MICAL3: variants seen among roughly 807,000 people sequenced by gnomAD.
MICAL3 encodes the protein microtubule associated monooxygenase, calponin and LIM domain containing 3, also known as [F-actin]-monooxygenase MICAL3.
A neutral mutation model predicts 207.4 loss-of-function variants in MICAL3; 62 were observed. The ratio of observed to expected loss-of-function variants is 0.30; its 90% confidence interval spans 0.24 to 0.37. The LOEUF (loss-of-function observed/expected upper bound fraction) is 0.37. Among genes scored for constraint, MICAL3 ranks in the 10% least tolerant of loss-of-function variants. MICAL3 has a pLI of 1.00. For missense variants in MICAL3, 2,368 were observed against 2,635.6 expected (o/e 0.90, Z 2.22); for synonymous variants, 1,077 against 1,069.3 (o/e 1.01, Z -0.14).
Position 17,818,090 on chromosome 22 carries a change from T to C in MICAL3, c.4571A>G (p.Asp1524Gly). Reference protein sequence around the residue: ...VESVEEIPFADDVEDTYDDKT... With the variant: ...VESVEEIPFAGDVEDTYDDKT... ...GTCGTCATAGGTGTCCTCCACATCA[T>C]CAGCAAAGGGAATCTCCTCCACGCT... The change falls in exon 26 of 32, where the codon GAT becomes GGT. Residue 1524 changes from aspartate to glycine, a missense_variant. By Grantham distance (94) the Asp-to-Gly change is moderately conservative. This residue lies in a region of MICAL3 where 1,770 missense variants were observed against 1,863.2 expected (regional missense o/e 0.95). Transcript: ENST00000441493. The C allele has an allele frequency of 6.2e-7, 1 of 1,612,910 alleles. No homozygotes were observed. Among genetic ancestry groups the C allele is most frequent in the South Asian group, 1.1e-5 (1 of 91,018 alleles).
At chr22:17,930,027 A>G (rs566556373) in intron 1 of MICAL3, among the ~76,000 whole-genome samples, 212 of 152,376 alleles carry the variant, frequency 1.4e-3, no homozygotes, top group African/African-American at 4.8e-3. Context: ...GATCAGGCAT[A>G]TCACAAAAGA....
At chr22:18,011,926 T>TA (rs916269447) in intron 1 of MICAL3, among the ~76,000 whole-genome samples, 22 of 149,516 alleles carry the variant, frequency 1.5e-4, no homozygotes, top group African/African-American at 5.1e-4. Context: ...AAATAAATAA[T>TA]AAAAAATTTT....
intron 12 of MICAL3, 113 bp from the exon 13 acceptor site, chr22:17,889,343 T>C (rs1930207148): frequency 2.9e-6 from 2 of 692,942 alleles, no homozygotes; most frequent in Non-Finnish European, 4.8e-6. Flanking sequence ...TCCAGGGTGC[T>C]GTGCATCGCT....
chr22:17,961,147 C>T (rs893032741), intron 1 of MICAL3, among the ~76,000 whole-genome samples: 4 of 152,086 alleles, frequency 2.6e-5, no homozygotes, highest in Non-Finnish European at 4.4e-5. Flanking sequence ...GGATGGCTGG[C>T]GGTGGCCTGG....
At chr22:17,985,632 A>G (rs1920972990) in intron 1 of MICAL3, among the ~76,000 whole-genome samples, 1 of 152,084 alleles carries the variant, frequency 6.6e-6, no homozygotes, top group South Asian at 2.1e-4. Flanking sequence ...TTCAAATTTT[A>G]TTCCCAGTAG....
chr22:17,805,330 G>T (rs576806557), intron 29 of MICAL3, among the ~76,000 whole-genome samples: 1 of 151,866 alleles, frequency 6.6e-6, no homozygotes, highest in Non-Finnish European at 1.5e-5. Context: ...AGACGGCATC[G>T]GCCAAGGAGG....
intron 19 of MICAL3, among the ~76,000 whole-genome samples, chr22:17,857,342 C>T (rs905166504): frequency 6.6e-6 from 1 of 152,160 alleles, no homozygotes; most frequent in Non-Finnish European, 1.5e-5. Context: ...GAGGGACCCA[C>T]GCCGCATGCT....
chr22:17,893,434 A>G (rs747593489), intron 11 of MICAL3, among the ~76,000 whole-genome samples: 4 of 151,532 alleles, frequency 2.6e-5, no homozygotes, highest in Non-Finnish European at 4.4e-5. Context: ...TTTTTCCACA[A>G]AGTCTTCTCC....
At chr22:17,976,538 T>C (rs1255527841) in intron 1 of MICAL3, among the ~76,000 whole-genome samples, 1 of 48,322 alleles carries the variant, frequency 2.1e-5, no homozygotes, top group African/African-American at 1.2e-4. Context: ...TATATATATG[T>C]GTGTGTGTGT....
Position 17,834,312 on chromosome 22 carries a change from A to C in MICAL3, c.2802-2205T>G, listed in dbSNP as rs964507097. The C allele has an allele frequency of 4.3e-6, 5 of 1,168,466 alleles. No homozygotes were observed. The African/African-American group carries it at 8.3e-5, about 19-fold the overall frequency. The allele number at this position is 1,168,466 out of a possible 1,614,324, so 72.4% of individuals were successfully genotyped here. ...GAATATACTGCAAGGAGCTCAGGGT[A>C]GTGAATCAGCTTCACTTGTTCATTT... is the stretch of plus-strand genomic sequence containing the variant. On this transcript the variant is annotated intron_variant, in intron 20 of 31. Coordinates refer to ENST00000441493, the MANE Select transcript of MICAL3 (RefSeq NM_015241.3).
intron 19 of MICAL3, among the ~76,000 whole-genome samples, chr22:17,854,195 G>T (rs1462601445): frequency 6.8e-6 from 1 of 147,336 alleles, no homozygotes; most frequent in African/African-American, 2.6e-5. Flanking sequence ...GCAATGTCTG[G>T]AGACATTTTC....
chr22:17,897,455 G>T (rs927581149), intron 7 of MICAL3, among the ~76,000 whole-genome samples: 1 of 150,400 alleles, frequency 6.6e-6, no homozygotes, highest in Non-Finnish European at 1.5e-5. Context: ...AGAGGGGTTT[G>T]GGGGGTGGAT....
At chr22:17,826,842 A>C (rs1922244763) in intron 22 of MICAL3, among the ~76,000 whole-genome samples, 1 of 152,148 alleles carries the variant, frequency 6.6e-6, no homozygotes, top group Non-Finnish European at 1.5e-5. Context: ...TCTTGCCTAC[A>C]AGTGAAGATT....
intron 19 of MICAL3, among the ~76,000 whole-genome samples, chr22:17,859,170 G>C (rs1486517490): frequency 6.6e-6 from 1 of 152,150 alleles, no homozygotes; most frequent in Non-Finnish European, 1.5e-5. Context: ...GTGAGCTACT[G>C]GGGGGTGAGG....
chr22:17,992,263 A>C (rs1921767027), intron 1 of MICAL3, among the ~76,000 whole-genome samples: 1 of 152,232 alleles, frequency 6.6e-6, no homozygotes, highest in African/African-American at 2.4e-5. Context: ...CTCAGGAAGG[A>C]GTTGCAAAAT....
At chr22:17,995,491 ATTTTTTTTTTTTTTTT>A (rs138357470) in intron 1 of MICAL3, among the ~76,000 whole-genome samples, 5 of 77,594 alleles carry the variant, frequency 6.4e-5, no homozygotes, top group Non-Finnish European at 9.3e-5. Context: ...CTTTTCTTTA[ATTTTTTTTTTTTTTTT>A]TTTTTTTTTT....
In MICAL3 at chr22:17,915,983, G is replaced by A. The variant is rs76103550; in HGVS notation, c.-74-9097C>T. On this transcript the variant is annotated intron_variant, in intron 1 of 31. Coordinates refer to ENST00000441493, the MANE Select transcript of MICAL3 (RefSeq NM_015241.3). ...GCACACCTGTCGTCCCAGCTACCCA[G>A]GAGGTCGAGGCTGCAGTGAACCATG... Among the ~76,000 whole-genome samples the A allele has an allele frequency of 4.6e-3, 681 of 148,154 alleles. 3 individuals are homozygous for A. The highest frequency in any genetic ancestry group is 7.0e-3 in the Non-Finnish European group (469 of 67,408).
chr22:17,859,090 C>T (rs978538688), intron 19 of MICAL3, among the ~76,000 whole-genome samples: 3 of 152,134 alleles, frequency 2.0e-5, no homozygotes, highest in Admixed American at 6.5e-5. Context: ...CATGAGCAGG[C>T]CAGGAGACAC....
At chr22:17,930,925 C>T (rs527962718) in intron 1 of MICAL3, among the ~76,000 whole-genome samples, 17 of 152,344 alleles carry the variant, frequency 1.1e-4, no homozygotes, top group African/African-American at 1.9e-4. Context: ...GGCCTGCCAC[C>T]GGTCACTGGG....
Sources: gnomAD v4.1 joint callset for allele counts (sites outside exome capture counted in the v4.1 genomes callset) on GRCh38, gnomAD v4.1.1 for gene constraint, gnomAD v4.1.1 regional missense constraint, MANE v1.5 for transcripts, NCBI Gene and HGNC (gene_info 2026-07-23, HGNC 2026-07-21) for gene names.